Variants in CDC42SE2 observed in about 807,000 individuals in gnomAD.
CDC42SE2 encodes the protein CDC42 small effector protein 2.
A neutral mutation model predicts 11.5 loss-of-function variants in CDC42SE2; 3 were observed. That is an observed-to-expected ratio of 0.26 (90% CI 0.12 to 0.67). The LOEUF (loss-of-function observed/expected upper bound fraction) is 0.67. Among genes scored for constraint, CDC42SE2 ranks in the 30% least tolerant of loss-of-function variants. The pLI, the probability that CDC42SE2 is intolerant of heterozygous loss-of-function variation, is 0.80. For missense variants in CDC42SE2, 82 were observed against 106.8 expected, an observed-to-expected ratio of 0.77 and a Z score of 1.02; for synonymous variants, 33 against 34.8, an observed-to-expected ratio of 0.95 and a Z score of 0.18.
At chr5:131,276,056 A>G (rs530723004) in intron 1 of CDC42SE2, among the ~76,000 whole-genome samples, 1 of 152,172 alleles carries the variant, frequency 6.6e-6, no homozygotes, top group South Asian at 2.1e-4. Flanking sequence ...TGCAAAAGAA[A>G]TTAATGACTT....
chr5:131,355,484 AAGAAAGAGAGAG>A (rs1284411175), intron 2 of CDC42SE2, among the ~76,000 whole-genome samples: 3 of 152,112 alleles, frequency 2.0e-5, no homozygotes, highest in African/African-American at 7.2e-5. Context: ...TCTCAAAAAA[AAGAAAGAGAGAG>A]AGAAAGAGAA....
upstream of CDC42SE2, among the ~76,000 whole-genome samples, chr5:131,243,947 T>C (rs1164144591): frequency 6.6e-6 from 1 of 152,210 alleles, no homozygotes; most frequent in East Asian, 1.9e-4. Context: ...CAAATTAGAA[T>C]TCAGTAAACT....
intron 1 of CDC42SE2, among the ~76,000 whole-genome samples, chr5:131,286,903 T>G (rs7701074): frequency 0.84 from 126,852 of 151,840 alleles, 53,434 homozygotes; most frequent in African/African-American, 0.93. Flanking sequence ...CAAAAGTTAC[T>G]TGCAGATTTT....
intron 1 of CDC42SE2, among the ~76,000 whole-genome samples, chr5:131,297,772 A>G (rs929701303): frequency 9.2e-5 from 14 of 151,778 alleles, no homozygotes; most frequent in African/African-American, 3.1e-4. Flanking sequence ...AAAAATTATA[A>G]AAGTTACCAC....
At chr5:131,292,366 G>A (rs1157246042) in intron 1 of CDC42SE2, among the ~76,000 whole-genome samples, 1 of 145,652 alleles carries the variant, frequency 6.9e-6, no homozygotes, top group Non-Finnish European at 1.5e-5. Context: ...TCAGGAGTTA[G>A]AGACTAGCCT....
intron 1 of CDC42SE2, among the ~76,000 whole-genome samples, chr5:131,305,542 C>T (rs1334892337): frequency 6.6e-6 from 1 of 152,146 alleles, no homozygotes; most frequent in East Asian, 1.9e-4. Context: ...TGCTGAGATT[C>T]ATCTGTTTAT....
chr5:131,350,669 G>T (rs560606255), intron 2 of CDC42SE2, among the ~76,000 whole-genome samples: 1 of 150,508 alleles, frequency 6.6e-6, no homozygotes, highest in Non-Finnish European at 1.5e-5. Context: ...TTTGACTTAC[G>T]TATAAATATA....
rs768842175 is a variant in CDC42SE2, at chr5:131,273,767, CA to C, written c.-455+9617del. On this transcript the variant is annotated intron_variant, in intron 1 of 4. Coordinates refer to ENST00000505065, the MANE Select transcript of CDC42SE2 (RefSeq NM_001375635.1). Reference sequence around the variant, plus strand: ...CAGCCTGGCGACAGAGACTCCGTCTCAAAAAAAAAAAAAAAAGTTTTTTTTT... The same window carrying C: ...CAGCCTGGCGACAGAGACTCCGTCTCAAAAAAAAAAAAAAAGTTTTTTTTT... Among the ~76,000 whole-genome samples the C allele has an allele frequency of 8.9e-3, 894 of 100,366 alleles. 5 individuals are homozygous for C. Among genetic ancestry groups the C allele is most frequent in the Middle Eastern group, 0.011 (2 of 178 alleles). The allele number at this position is 100,366 out of a possible 152,430, so 65.8% of individuals were successfully genotyped here. A position where few individuals can be genotyped will look rare whatever the true frequency, so the allele number is the denominator to read the frequency against.
chr5:131,267,255 G>C (rs897118530), intron 1 of CDC42SE2, among the ~76,000 whole-genome samples: 13 of 151,752 alleles, frequency 8.6e-5, no homozygotes, highest in African/African-American at 3.1e-4. Context: ...GGGTTTCACC[G>C]TGTTGGCCAT....
intron 1 of CDC42SE2, among the ~76,000 whole-genome samples, chr5:131,249,477 A>G (rs779698657): frequency 6.6e-6 from 1 of 152,208 alleles, no homozygotes; most frequent in Non-Finnish European, 1.5e-5. Context: ...ACCCACACAT[A>G]AATGTTTGAT....
chr5:131,387,769 T>A (rs1305471903), intron 4 of CDC42SE2, among the ~76,000 whole-genome samples: 1 of 152,182 alleles, frequency 6.6e-6, no homozygotes, highest in East Asian at 1.9e-4. Context: ...AGGATTGAGA[T>A]GGGACTTTAG....
the CDC42SE2 span, among the ~76,000 whole-genome samples, chr5:131,218,100 G>A: frequency 2.0e-5 from 3 of 150,656 alleles, no homozygotes; most frequent in South Asian, 2.1e-4. Context: ...CACTTGAGTC[G>A]GGGAGGTCAA....
the CDC42SE2 span, among the ~76,000 whole-genome samples, chr5:131,217,121 A>T: frequency 5.3e-5 from 8 of 152,218 alleles, no homozygotes; most frequent in African/African-American, 1.9e-4. Flanking sequence ...CAGGACTTTG[A>T]CCAAATCTAG....
intron 2 of CDC42SE2, among the ~76,000 whole-genome samples, chr5:131,343,825 GTTACTC>G (rs1758770198): frequency 6.6e-6 from 1 of 152,042 alleles, no homozygotes; most frequent in African/African-American, 2.4e-5. Context: ...GAACATGGCA[GTTACTC>G]TTACACAAGT....
intron 4 of CDC42SE2, among the ~76,000 whole-genome samples, chr5:131,388,401 C>A (rs1370982050): frequency 6.6e-6 from 1 of 152,034 alleles, no homozygotes; most frequent in Non-Finnish European, 1.5e-5. Context: ...AAGAAGAAAC[C>A]ATAAATAGAC....
upstream of CDC42SE2, chr5:131,261,507 A>G (rs1308037189): frequency 2.0e-5 from 3 of 152,226 alleles, no homozygotes; most frequent in Non-Finnish European, 2.9e-5. Flanking sequence ...GTGTAAAGAG[A>G]CTGCTATGAA....
chr5:131,312,124 T>C (rs962942779), intron 1 of CDC42SE2, among the ~76,000 whole-genome samples: 1 of 152,156 alleles, frequency 6.6e-6, no homozygotes, highest in Admixed American at 6.5e-5. Context: ...GGGTTTTTGG[T>C]GTGGATGTCC....
At chr5:131,233,943 T>C in the CDC42SE2 span, among the ~76,000 whole-genome samples, 1 of 152,184 alleles carries the variant, frequency 6.6e-6, no homozygotes, top group Non-Finnish European at 1.5e-5. Context: ...ACCATCAACC[T>C]ATAGGTCCCT....
chr5:131,318,202 G>A (rs779701698), intron 2 of CDC42SE2, among the ~76,000 whole-genome samples: 15 of 152,096 alleles, frequency 9.9e-5, no homozygotes, highest in Non-Finnish European at 2.9e-5. Context: ...GCCTCCCAAA[G>A]TGCGGGAACT....
Sources: gnomAD v4.1 joint callset for allele counts (sites outside exome capture counted in the v4.1 genomes callset) on GRCh38, gnomAD v4.1.1 for gene constraint, MANE v1.5 for transcripts, NCBI Gene and HGNC (gene_info 2026-07-23, HGNC 2026-07-21) for gene names.